SDK1: variants seen among roughly 807,000 people sequenced by gnomAD.
The protein encoded by SDK1 is protein sidekick-1.
A neutral mutation model predicts 245.5 loss-of-function variants in SDK1; 157 were observed. That is an observed-to-expected ratio of 0.64 (90% CI 0.56 to 0.73). The LOEUF is 0.73. Ranked by LOEUF, SDK1 falls within the 30% of genes least tolerant of loss-of-function variation. SDK1 has a pLI of 0.00. For missense variants in SDK1, 3,583 were observed against 3,002.3 expected, an observed-to-expected ratio of 1.19 and a Z score of -4.52; for synonymous variants, 1,647 against 1,278.5, an observed-to-expected ratio of 1.29 and a Z score of -6.15.
rs536680587 is a variant in SDK1, at chr7:3,733,540, G to A, written c.714-87910G>A. On this transcript the variant is annotated intron_variant, in intron 4 of 44. Transcript: ENST00000404826. ...TGCTGAGCAGTGAGTGACTGTAGAC[G>A]TGTGGCAGGCATTCCTCCCTCCTTG... 3.3e-5 allele frequency among the ~76,000 whole-genome samples: 5 copies of A among 152,228 alleles called. No individual in the cohort carries two copies. In the South Asian group the frequency reaches 1.0e-3, roughly 32 times the overall value.
intron 1 of SDK1, among the ~76,000 whole-genome samples, chr7:3,389,254 T>A (rs988085366): frequency 6.6e-6 from 1 of 152,118 alleles, no homozygotes; most frequent in Non-Finnish European, 1.5e-5. Flanking sequence ...ACTACAGATA[T>A]GATTAAGTTA....
At chr7:3,506,561 T>C (rs975927061) in intron 1 of SDK1, among the ~76,000 whole-genome samples, 2 of 152,212 alleles carry the variant, frequency 1.3e-5, no homozygotes, top group Non-Finnish European at 2.9e-5. Flanking sequence ...TGATGTACTT[T>C]GATGACATGC....
chr7:4,012,175 T>C lies in SDK1; in HGVS notation c.2360T>C (p.Val787Ala), dbSNP rs1359844704. 2 of 1,576,710 alleles carry C rather than the reference T, an allele frequency of 1.3e-6. No homozygotes were observed. The highest frequency in any genetic ancestry group is 1.7e-6 in the Non-Finnish European group (2 of 1,161,708). ...ASGRTNQSIM[V>A]QWQPPPETEH... ...GGGCGGACTAATCAGTCCATTATGG[T>C]CCAGTGGCAGCCACCCCCAGAAACA... The change falls in exon 16 of 45, where the codon GTC becomes GCC. Residue 787 changes from valine (V) to alanine (A), a missense_variant. Val to Ala is a moderately conservative substitution (Grantham distance 64, BLOSUM62 0). Coordinates refer to ENST00000404826, the MANE Select transcript of SDK1 (RefSeq NM_152744.4).
intron 4 of SDK1, among the ~76,000 whole-genome samples, chr7:3,759,450 A>C (rs189658050): frequency 1.3e-5 from 2 of 152,192 alleles, no homozygotes; most frequent in Non-Finnish European, 2.9e-5. Context: ...TTAAAGTATT[A>C]GTTAATGATG....
intron 1 of SDK1, among the ~76,000 whole-genome samples, chr7:3,467,736 A>G (rs925799579): frequency 1.3e-5 from 2 of 152,150 alleles, no homozygotes; most frequent in African/African-American, 4.8e-5. Context: ...AGATAAAATT[A>G]AAGGTAAACT....
At chr7:3,900,883 G>A (rs575884438) in intron 5 of SDK1, among the ~76,000 whole-genome samples, 1 of 151,914 alleles carries the variant, frequency 6.6e-6, no homozygotes, top group Non-Finnish European at 1.5e-5. Flanking sequence ...TGAAAATTTC[G>A]CATTGATTTA....
chr7:3,498,911 C>A (rs1782107402), intron 1 of SDK1, among the ~76,000 whole-genome samples: 1 of 152,124 alleles, frequency 6.6e-6, no homozygotes, highest in African/African-American at 2.4e-5. Flanking sequence ...ACCCAGTGGG[C>A]ATAAGGGCAA....
In SDK1 at chr7:3,625,514, G is replaced by A. The variant is rs73298227; in HGVS notation, c.458+6275G>A. 8.8e-3 allele frequency among the ~76,000 whole-genome samples: 1,342 copies of A among 152,290 alleles called. 26 individuals carry two copies. The highest frequency in any genetic ancestry group is 0.03 in the African/African-American group (1,261 of 41,540). On this transcript the variant is annotated intron_variant, in intron 2 of 44. Transcript: ENST00000404826. ...GAAGCAGGTGTAAAGGCAGGGGAAT[G>A]AAGCAGGGAGGAAGGAAGCACCAGT... is the stretch of plus-strand genomic sequence containing the variant.
chr7:4,077,539 G>T (rs969099193), intron 21 of SDK1, among the ~76,000 whole-genome samples: 1 of 152,192 alleles, frequency 6.6e-6, no homozygotes, highest in Non-Finnish European at 1.5e-5. Context: ...TTTTCATGCT[G>T]CTGATAAAGA....
At chr7:3,621,564 G>C (rs1781939108) in intron 2 of SDK1, among the ~76,000 whole-genome samples, 1 of 152,206 alleles carries the variant, frequency 6.6e-6, no homozygotes, top group Non-Finnish European at 1.5e-5. Context: ...GAAAGGAATT[G>C]TTTCCTAGAT....
intron 1 of SDK1, among the ~76,000 whole-genome samples, chr7:3,592,972 C>A (rs904068210): frequency 2.0e-5 from 3 of 152,134 alleles, no homozygotes; most frequent in Non-Finnish European, 4.4e-5. Context: ...GGGACTTGTA[C>A]CTAGGACAAG....
chr7:4,036,571 G>A (rs13438192), intron 17 of SDK1, among the ~76,000 whole-genome samples: 2,563 of 152,228 alleles, frequency 0.017, 71 homozygotes, highest in African/African-American at 0.059. Flanking sequence ...ACACGTACAC[G>A]TTAGTATATG....
chr7:3,307,971 C>G (rs1779460020), intron 1 of SDK1, among the ~76,000 whole-genome samples: 1 of 152,106 alleles, frequency 6.6e-6, no homozygotes, highest in African/African-American at 2.4e-5. Context: ...AGCTTAGAAC[C>G]TAATTTTCTT....
intron 28 of SDK1, among the ~76,000 whole-genome samples, chr7:4,133,408 C>T (rs998208617): frequency 6.6e-6 from 1 of 152,174 alleles, no homozygotes; most frequent in Non-Finnish European, 1.5e-5. Context: ...TGTGCCTGTC[C>T]TCAAGTTGCC....
intron 1 of SDK1, among the ~76,000 whole-genome samples, chr7:3,504,561 G>C (rs1195806332): frequency 6.6e-6 from 1 of 152,054 alleles, no homozygotes; most frequent in Admixed American, 6.6e-5. Context: ...GTTAAACTGG[G>C]TAAGAATAGT....
chr7:3,744,372 A>C (rs1174611854), intron 4 of SDK1, among the ~76,000 whole-genome samples: 1 of 152,132 alleles, frequency 6.6e-6, no homozygotes, highest in Non-Finnish European at 1.5e-5. Context: ...CTATTCTATT[A>C]TAATATAAGC....
chr7:3,400,830 A>G (rs1778868587), intron 1 of SDK1, among the ~76,000 whole-genome samples: 1 of 152,226 alleles, frequency 6.6e-6, no homozygotes, highest in Admixed American at 6.5e-5. Context: ...ATTATGCAAC[A>G]GAGCTTTATA....
intron 4 of SDK1, among the ~76,000 whole-genome samples, chr7:3,813,808 C>G (rs1583441325): frequency 2.7e-5 from 3 of 112,986 alleles, no homozygotes; most frequent in African/African-American, 1.2e-4. Context: ...GCCATTCTAA[C>G]TGGTGTGAGA....
intron 22 of SDK1, among the ~76,000 whole-genome samples, chr7:4,092,641 G>A (rs987305025): frequency 2.1e-4 from 32 of 152,158 alleles, no homozygotes; most frequent in African/African-American, 7.5e-4. Flanking sequence ...TAGAATTTGG[G>A]GAGGAGAAAG....
Sources: allele counts gnomAD v4.1 joint callset (sites outside exome capture counted in the v4.1 genomes callset), GRCh38; gene constraint gnomAD v4.1.1; transcripts MANE v1.5; gene names NCBI Gene and HGNC (gene_info 2026-07-23, HGNC 2026-07-21).